Variants in ATXN1 observed in about 807,000 individuals in gnomAD.
ATXN1 encodes ataxin 1.
In ATXN1, 8 loss-of-function variants were observed where a neutral mutation model predicts 56.4. The ratio of observed to expected loss-of-function variants is 0.14; its 90% CI spans 0.08 to 0.26. The LOEUF (loss-of-function observed/expected upper bound fraction) is 0.26. Ranked by LOEUF, ATXN1 falls within the 10% of genes least tolerant of loss-of-function variation. ATXN1 has a pLI of 1.00. For synonymous variants in ATXN1, 514 were observed against 494.6 expected (o/e 1.04, Z -0.52); for missense variants, 987 against 1,106.5 (o/e 0.89, Z 1.53).
At chr6:16,602,620 T>A (rs1762932623) in intron 3 of ATXN1, among the ~76,000 whole-genome samples, 2 of 152,028 alleles carry the variant, frequency 1.3e-5, no homozygotes, top group Non-Finnish European at 2.9e-5. Flanking sequence ...CCCTGCTAAT[T>A]TTTGTATTTT....
rs1760052641 is a variant in ATXN1 at position 16,300,323 on chromosome 6, G to GCAAGT, written c.*6001_*6005dup. The GCAAGT allele has an allele frequency of 6.5e-6, 1 of 152,748 alleles. No individual in the cohort carries two copies. The highest frequency in any genetic ancestry group is 1.9e-4 in the East Asian group (1 of 5,192). 9.5% of individuals were successfully genotyped at this position (152,748 alleles called of 1,614,324 possible). A position where few individuals can be genotyped will look rare whatever the true frequency, so the allele number is the denominator to read the frequency against. ...TTTAATACAGTTGAACCATTTGTAT[G>GCAAGT]CAAGTCATGGGGACATGAAAAACTG... On this transcript the variant is annotated 3_prime_UTR_variant, in exon 8 of 8. Coordinates refer to ENST00000436367, the MANE Select transcript of ATXN1 (RefSeq NM_001128164.2).
intron 4 of ATXN1, among the ~76,000 whole-genome samples, chr6:16,530,904 T>C (rs1292915259): frequency 6.6e-6 from 1 of 152,226 alleles, no homozygotes; most frequent in Non-Finnish European, 1.5e-5. Flanking sequence ...TTATACATAA[T>C]TTTTTAAGTC....
At chr6:16,411,655 G>A (rs896172588) in intron 6 of ATXN1, among the ~76,000 whole-genome samples, 3 of 152,290 alleles carry the variant, frequency 2.0e-5, no homozygotes, top group East Asian at 3.9e-4. Context: ...CATTGAAGAC[G>A]TTCAAGGATA....
chr6:16,523,741 T>C (rs1037682579), intron 4 of ATXN1, among the ~76,000 whole-genome samples: 1 of 152,034 alleles, frequency 6.6e-6, no homozygotes, highest in Non-Finnish European at 1.5e-5. Flanking sequence ...GACTGAGTAA[T>C]CCCGTGAGGA....
At chr6:16,720,671 C>A (rs1342726265) in intron 2 of ATXN1, among the ~76,000 whole-genome samples, 2 of 152,136 alleles carry the variant, frequency 1.3e-5, no homozygotes, top group Non-Finnish European at 2.9e-5. Context: ...CTCAGTTGAT[C>A]CAAACATGGC....
chr6:16,706,256 T>G (rs1031906417), intron 2 of ATXN1, among the ~76,000 whole-genome samples: 13 of 152,036 alleles, frequency 8.6e-5, no homozygotes, highest in African/African-American at 3.1e-4. Context: ...CAGAGAGCAA[T>G]GATTAATCTG....
At chr6:16,459,356 T>C (rs191650967) in intron 6 of ATXN1, among the ~76,000 whole-genome samples, 1 of 152,278 alleles carries the variant, frequency 6.6e-6, no homozygotes, top group Admixed American at 6.5e-5. Flanking sequence ...GCAATATCTC[T>C]TAAGGCCTGA....
chr6:16,664,419 T>C (rs917133332), intron 2 of ATXN1, among the ~76,000 whole-genome samples: 17 of 152,214 alleles, frequency 1.1e-4, no homozygotes, highest in African/African-American at 4.1e-4. Context: ...CCATATCATA[T>C]ACCAGCCGGT....
At chr6:16,745,946 G>GTC (rs1434364899) in intron 2 of ATXN1, among the ~76,000 whole-genome samples, 1 of 150,452 alleles carries the variant, frequency 6.6e-6, no homozygotes, top group Admixed American at 6.7e-5. Context: ...GTGTGTGTGT[G>GTC]TGTGTGTGTG....
At chr6:16,320,885 T>C (rs189470928) in intron 7 of ATXN1, among the ~76,000 whole-genome samples, 18 of 152,168 alleles carry the variant, frequency 1.2e-4, no homozygotes, top group African/African-American at 4.3e-4. Context: ...ACCCCGAGGA[T>C]TACAGGCAGG....
chr6:16,584,281 T>C lies in ATXN1; in HGVS notation c.-361+1499A>G, dbSNP rs57551111. Among the ~76,000 whole-genome samples, 590 of 112,516 alleles carry C rather than the reference T, an allele frequency of 5.2e-3. 2 individuals carry two copies. The highest frequency in any genetic ancestry group is 0.025 in the African/African-American group (532 of 21,682). 73.8% of individuals were successfully genotyped at this position (112,516 alleles called of 152,430 possible). On this transcript the variant is annotated intron_variant, in intron 4 of 7. Transcript: ENST00000436367. ...ACACACACACACACACATATACACA[T>C]ATATATATATACACACACACATACA...
At chr6:16,724,152 C>T (rs1759800283) in intron 2 of ATXN1, among the ~76,000 whole-genome samples, 1 of 152,164 alleles carries the variant, frequency 6.6e-6, no homozygotes, top group Non-Finnish European at 1.5e-5. Context: ...GTCTTAAACC[C>T]CGAGTGACTG....
intron 5 of ATXN1, among the ~76,000 whole-genome samples, chr6:16,510,777 G>T (rs1325603549): frequency 1.3e-5 from 2 of 152,032 alleles, no homozygotes; most frequent in Non-Finnish European, 2.9e-5. Context: ...TACAGTAAAG[G>T]TATACAGAAA....
intron 2 of ATXN1, among the ~76,000 whole-genome samples, chr6:16,731,358 C>G (rs574768206): frequency 1.2e-4 from 18 of 149,352 alleles, no homozygotes; most frequent in African/African-American, 4.4e-4. Flanking sequence ...AAGCACTGAG[C>G]TGCAATGAGA....
intron 2 of ATXN1, among the ~76,000 whole-genome samples, chr6:16,703,019 G>T (rs1230202429): frequency 2.6e-5 from 4 of 152,020 alleles, no homozygotes; most frequent in Non-Finnish European, 5.9e-5. Context: ...CTGCTATAAA[G>T]ACACATGCAC....
intron 6 of ATXN1, among the ~76,000 whole-genome samples, chr6:16,375,485 T>C (rs1436480906): frequency 2.0e-5 from 3 of 152,156 alleles, no homozygotes; most frequent in Non-Finnish European, 4.4e-5. Context: ...GTTACAAAGA[T>C]TGGGGCATTA....
At chr6:16,551,574 A>T (rs1010374760) in intron 4 of ATXN1, among the ~76,000 whole-genome samples, 5 of 152,180 alleles carry the variant, frequency 3.3e-5, no homozygotes, top group South Asian at 2.1e-4. Flanking sequence ...CTTGCTGAGT[A>T]ATTTGAGTTG....
intron 7 of ATXN1, among the ~76,000 whole-genome samples, chr6:16,316,468 C>A (rs773276551): frequency 6.6e-6 from 1 of 152,010 alleles, no homozygotes; most frequent in Non-Finnish European, 1.5e-5. Flanking sequence ...AAGAAGAGGC[C>A]GGGCATGGTG....
intron 2 of ATXN1, among the ~76,000 whole-genome samples, chr6:16,691,427 G>C (rs1211272334): frequency 6.6e-6 from 1 of 152,204 alleles, no homozygotes; most frequent in African/African-American, 2.4e-5. Context: ...GAAAATGAAA[G>C]AAGACCTGTT....
Sources: gnomAD v4.1 joint callset for allele counts (sites outside exome capture counted in the v4.1 genomes callset) on GRCh38, gnomAD v4.1.1 for gene constraint, MANE v1.5 for transcripts, NCBI Gene and HGNC (gene_info 2026-07-23, HGNC 2026-07-21) for gene names.